The following WDR45B variants were observed in gnomAD, a reference collection of about 807,000 sequenced individuals.
WDR45B encodes WD repeat domain 45B, also known as WD repeat domain phosphoinositide-interacting protein 3.
WDR45B carries 20 observed loss-of-function variants against 44.6 expected under a neutral mutation model. The ratio of observed to expected loss-of-function variants is 0.45; its 90% CI spans 0.32 to 0.65. The LOEUF is 0.65. Ranked by LOEUF, WDR45B falls within the 30% of genes least tolerant of loss-of-function variation. The probability of loss-of-function intolerance (pLI) is 0.05; values close to 1 mark genes in which losing one functional copy is unlikely to be tolerated. For missense variants in WDR45B, 323 were observed against 430.2 expected (o/e 0.75, Z 2.20); for synonymous variants, 169 against 164.9 (o/e 1.02, Z -0.19).
chr17:82,646,509 AAAACC>A (rs2045978910), intron 1 of WDR45B, among the ~76,000 whole-genome samples: 1 of 145,824 alleles, frequency 6.9e-6, no homozygotes, highest in Non-Finnish European at 1.5e-5. Context: ...AAAAAAAAAA[AAAACC>A]CAAAACAAAA....
chr17:82,619,631 C>G (rs1429547468), intron 6 of WDR45B, among the ~76,000 whole-genome samples: 2 of 152,100 alleles, frequency 1.3e-5, no homozygotes, highest in Non-Finnish European at 2.9e-5. Context: ...GAAAGAGGTG[C>G]CCAAGACCTC....
chr17:82,641,959 A>G (rs2143375681), intron 2 of WDR45B, among the ~76,000 whole-genome samples: 1 of 152,266 alleles, frequency 6.6e-6, no homozygotes. Context: ...AAAAAGAGAA[A>G]AAAAAAATCA....
chr17:82,623,247 C>T (rs13341352), intron 5 of WDR45B, among the ~76,000 whole-genome samples: 28,818 of 151,582 alleles, frequency 0.19, 3,226 homozygotes, highest in African/African-American at 0.3. Flanking sequence ...ATTATCCAGG[C>T]GTGGTGGCGG....
chr17:82,645,242 G>A lies in WDR45B; in HGVS notation c.68-1219C>T, dbSNP rs142449046. ...GAACCCAGGAGGGGGAGGTTGCAGC[G>A]AGCTCAGATCACGCCACTGCACTCC... On this transcript the variant is annotated intron_variant, in intron 1 of 9. Transcript: ENST00000392325. Among the ~76,000 whole-genome samples the A allele has an allele frequency of 8.9e-3, 1,342 of 151,186 alleles. 7 individuals are homozygous for A. The highest frequency in any genetic ancestry group is 0.014 in the Non-Finnish European group (942 of 67,878).
At chr17:82,639,547 C>A (rs1361232351) in intron 2 of WDR45B, among the ~76,000 whole-genome samples, 1 of 151,884 alleles carries the variant, frequency 6.6e-6, no homozygotes. Context: ...CTGCTACCTA[C>A]ACATTGCAGG....
intron 2 of WDR45B, among the ~76,000 whole-genome samples, chr17:82,635,912 C>A (rs994758824): frequency 5.3e-5 from 8 of 151,618 alleles, no homozygotes; most frequent in African/African-American, 1.9e-4. Flanking sequence ...ACATGGAAAA[C>A]CCCCGTCTCT....
chr17:82,619,419 C>A (rs2045583908), intron 6 of WDR45B, among the ~76,000 whole-genome samples: 1 of 152,142 alleles, frequency 6.6e-6, no homozygotes, highest in Non-Finnish European at 1.5e-5. Flanking sequence ...GCATCCCTGG[C>A]TGAGACCCAG....
At chr17:82,644,780 A>G (rs887032218) in intron 1 of WDR45B, 3 of 152,582 alleles carry the variant, frequency 2.0e-5, no homozygotes, top group Admixed American at 1.3e-4. Flanking sequence ...AAACCCCTCA[A>G]TTATTTTTCA....
At chr17:82,648,214 G>A (rs1210009608) in intron 1 of WDR45B, 60 bp downstream of exon 1, 30 of 1,554,158 alleles carry the variant, frequency 1.9e-5, no homozygotes, top group Non-Finnish European at 2.4e-5. Flanking sequence ...CCTGAGAGCC[G>A]GGGACCCCGG....
At chr17:82,616,053 G>C in intron 9 of WDR45B, 28 bp from the exon 10 acceptor site, 1 of 1,596,876 alleles carries the variant, frequency 6.3e-7, no homozygotes, top group Non-Finnish European at 8.6e-7. Context: ...CATTTTACCT[G>C]TGTGTTTCTT....
chr17:82,645,660 G>A (rs2045966424), intron 1 of WDR45B, among the ~76,000 whole-genome samples: 1 of 152,154 alleles, frequency 6.6e-6, no homozygotes, highest in African/African-American at 2.4e-5. Flanking sequence ...GTACATGCCT[G>A]TGGAAATGTG....
At chr17:82,639,702 C>G (rs963949423) in intron 2 of WDR45B, among the ~76,000 whole-genome samples, 44 of 132,282 alleles carry the variant, frequency 3.3e-4, no homozygotes, top group African/African-American at 1.2e-3. Flanking sequence ...TGTGTCAGGT[C>G]GAGAGGGCTG....
intron 2 of WDR45B, among the ~76,000 whole-genome samples, chr17:82,639,694 T>C (rs1398827541): frequency 6.6e-6 from 1 of 150,754 alleles, no homozygotes; most frequent in African/African-American, 2.5e-5. Context: ...TGCTGGGCTG[T>C]GTCAGGTCGA....
Position 82,625,464 on chromosome 17 carries a change from A to G in WDR45B, c.352T>C (p.Ser118Pro). 6.2e-7 allele frequency: 1 copy of G among 1,614,196 alleles called. No homozygotes were observed. The highest frequency in any genetic ancestry group is 8.5e-7 in the Non-Finnish European group (1 of 1,180,032). ...RRDRIVVVLD[S>P]MIKVFTFTHN... ...GTGAATGTGAACACCTTAATCATGG[A>G]GTCCAAAACCACCACAATTCTGGAA... Residue 118 changes from serine (S) to proline (P), a missense_variant, in exon 5 of 10, where the codon TCC becomes CCC. By Grantham distance (74) the Ser-to-Pro change is moderately conservative (BLOSUM62 -1). Transcript: ENST00000392325.
chr17:82,631,125 A>G lies in WDR45B; in HGVS notation c.143-103T>C, dbSNP rs982514277. ...AAGACAGGTAACGCAGCAATTTTCTATTTTTTGTAAGAGACAAGATCTCAC... is the reference window on the plus strand; with the variant it reads ...AAGACAGGTAACGCAGCAATTTTCTGTTTTTTGTAAGAGACAAGATCTCAC... On this transcript the variant is annotated intron_variant, in intron 2 of 9. Transcript: ENST00000392325. 13 of 1,165,834 alleles carry G rather than the reference A, an allele frequency of 1.1e-5. No individual in the cohort carries two copies. The African/African-American group carries it at 1.4e-4, about 12-fold the overall frequency. The allele number at this position is 1,165,834 out of a possible 1,614,324, so 72.2% of individuals were successfully genotyped here.
chr17:82,627,108 T>G, intron 4 of WDR45B, 96 bp downstream of exon 4: 3 of 1,011,748 alleles, frequency 3.0e-6, no homozygotes, highest in Admixed American at 3.4e-5. Context: ...AATACATCAT[T>G]TCCTAAACAT....
chr17:82,629,354 C>T (rs2045739169), intron 3 of WDR45B, among the ~76,000 whole-genome samples: 1 of 152,182 alleles, frequency 6.6e-6, no homozygotes, highest in Admixed American at 6.5e-5. Flanking sequence ...TCTGCCCATC[C>T]CCAATTAGCC....
chr17:82,645,307 A>C (rs1354281473), intron 1 of WDR45B, among the ~76,000 whole-genome samples: 1 of 152,034 alleles, frequency 6.6e-6, no homozygotes, highest in Non-Finnish European at 1.5e-5. Flanking sequence ...CAAAAAAAAA[A>C]ACAAAAATAA....
At chr17:82,647,444 G>A (rs961739932) in intron 1 of WDR45B, among the ~76,000 whole-genome samples, 1 of 152,276 alleles carries the variant, frequency 6.6e-6, no homozygotes, top group East Asian at 1.9e-4. Flanking sequence ...GGTCCCGCCC[G>A]CCTCCCGCGG....
Sources: allele counts gnomAD v4.1 joint callset (sites outside exome capture counted in the v4.1 genomes callset), GRCh38; gene constraint gnomAD v4.1.1; transcripts MANE v1.5; gene names NCBI Gene and HGNC (gene_info 2026-07-23, HGNC 2026-07-21).